PPP1R14C: variants seen among roughly 807,000 people sequenced by gnomAD.
The protein encoded by PPP1R14C is protein phosphatase 1 regulatory inhibitor subunit 14C, also known as protein phosphatase 1 regulatory subunit 14C.
A neutral mutation model predicts 20.4 loss-of-function variants in PPP1R14C; 16 were observed. The ratio of observed to expected loss-of-function variants is 0.78; its 90% CI spans 0.53 to 1.19. The LOEUF is 1.19. Ranked by LOEUF, PPP1R14C falls within the 50% of genes most tolerant of loss-of-function variation. The pLI is 0.00. For synonymous variants in PPP1R14C, 91 were observed against 91.0 expected, an observed-to-expected ratio of 1.00 and a Z score of 0.00; for missense variants, 211 against 220.1, an observed-to-expected ratio of 0.96 and a Z score of 0.26.
chr6:150,160,320 A>C (rs1777351805), intron 1 of PPP1R14C, among the ~76,000 whole-genome samples: 2 of 132,946 alleles, frequency 1.5e-5, no homozygotes, highest in Admixed American at 8.8e-5. Flanking sequence ...GCTGGAGTGC[A>C]GTGGCGCGAT....
At chr6:150,202,203 G>A (rs1283987541) in intron 1 of PPP1R14C, among the ~76,000 whole-genome samples, 1 of 152,138 alleles carries the variant, frequency 6.6e-6, no homozygotes, top group Non-Finnish European at 1.5e-5. Flanking sequence ...TCCTCATGCA[G>A]AACATCCCTG....
chr6:150,248,938 T>C lies in PPP1R14C; in HGVS notation c.*118T>C, dbSNP rs1174021114. On this transcript the variant is annotated 3_prime_UTR_variant, in exon 4 of 4. Transcript: ENST00000361131. The stretch of plus-strand genomic sequence containing the variant: ...TGAACAACGTTTTTGTTTTTTTTTT[T>C]TTCTTTTTTGGTGTGAAGGTGGGGG... The C allele has an allele frequency of 8.5e-6, 5 of 588,554 alleles. No individual in the cohort carries two copies. In the East Asian group the frequency reaches 1.2e-4, roughly 14 times the overall value. The allele number at this position is 588,554 out of a possible 1,614,324, so 36.5% of individuals were successfully genotyped here. A position where few individuals can be genotyped will look rare whatever the true frequency, so the allele number is the denominator to read the frequency against.
intron 1 of PPP1R14C, among the ~76,000 whole-genome samples, chr6:150,210,454 G>A (rs529436973): frequency 5.3e-5 from 8 of 151,976 alleles, no homozygotes; most frequent in African/African-American, 1.7e-4. Flanking sequence ...CTGTTGCTTC[G>A]CACCTGATAC....
intron 3 of PPP1R14C, 104 bp downstream of exon 3, chr6:150,216,960 A>G: frequency 1.2e-6 from 1 of 833,170 alleles, no homozygotes; most frequent in African/African-American, 1.7e-5. Flanking sequence ...GAGTGTGTGT[A>G]TACCAATTAG....
In PPP1R14C at chr6:150,173,809, A is replaced by G. The variant is rs116838089; in HGVS notation, c.306+30311A>G. 6.8e-4 allele frequency among the ~76,000 whole-genome samples: 103 copies of G among 152,200 alleles called. 1 individual carries two copies. The highest frequency in any genetic ancestry group is 2.3e-3 in the African/African-American group (97 of 41,530). On this transcript the variant is annotated intron_variant, in intron 1 of 3. Transcript: ENST00000361131. The stretch of plus-strand genomic sequence containing the variant: ...CCAGGACATGGGAGCCCAAGACTGC[A>G]GACCTGAGGCTCCTAAGCACCCCAA...
At position 150,143,448 on chromosome 6, in the gene PPP1R14C, G is replaced by C. The variant is rs1224408421; in HGVS notation, c.256G>C (p.Val86Leu). 1 of 1,610,998 alleles carries C rather than the reference G, an allele frequency of 6.2e-7. No homozygotes were observed. The highest frequency in any genetic ancestry group is 1.3e-5 in the African/African-American group (1 of 74,664). The stretch of plus-strand genomic sequence containing the variant: ...TCGTAAGGAGCTTCGGAAGCGGCTG[G>C]TGCTGGAGGAATGGATCGTGGAGCA... ...YDRKELRKRL[V>L]LEEWIVEQLG... Residue 86 changes from valine (V) to leucine (L), a missense_variant, in exon 1 of 4, where the codon GTG (valine) becomes CTG (leucine). Coordinates refer to ENST00000361131, the MANE Select transcript of PPP1R14C (RefSeq NM_030949.3). This position sits in a 1 kb window ranked among gnomAD's most constrained non-coding sequence, Gnocchi z 5.6.
intron 1 of PPP1R14C, among the ~76,000 whole-genome samples, chr6:150,172,751 G>T (rs1319160368): frequency 6.6e-6 from 1 of 152,116 alleles, no homozygotes; most frequent in Non-Finnish European, 1.5e-5. Context: ...TGCTGTAACT[G>T]ATGTGGGGAG....
chr6:150,206,071 C>T (rs1306810533), intron 1 of PPP1R14C, among the ~76,000 whole-genome samples: 1 of 152,088 alleles, frequency 6.6e-6, no homozygotes, highest in African/African-American at 2.4e-5. Flanking sequence ...CCACCATGGC[C>T]CCAACTCTGA....
At chr6:150,179,571 C>G (rs115146823) in intron 1 of PPP1R14C, among the ~76,000 whole-genome samples, 3,903 of 152,016 alleles carry the variant, frequency 0.026, 168 homozygotes, top group African/African-American at 0.089. Context: ...ACTCTGCAGA[C>G]CTGCCCTTCA....
At chr6:150,168,233 G>A (rs534704059) in intron 1 of PPP1R14C, among the ~76,000 whole-genome samples, 10 of 146,690 alleles carry the variant, frequency 6.8e-5, no homozygotes, top group African/African-American at 2.0e-4. Context: ...GGCTCTCATG[G>A]GAGAAAAAAA....
At chr6:150,151,952 C>G (rs1436789302) in intron 1 of PPP1R14C, among the ~76,000 whole-genome samples, 1 of 151,928 alleles carries the variant, frequency 6.6e-6, no homozygotes, top group Non-Finnish European at 1.5e-5. Context: ...AACCCCGTCT[C>G]TACTAAAAAT....
Position 150,240,903 on chromosome 6 carries a change from T to A in PPP1R14C, c.424-7843T>A, listed in dbSNP as rs1778424538. On this transcript the variant is annotated intron_variant, in intron 3 of 3. Coordinates refer to ENST00000361131, the MANE Select transcript of PPP1R14C (RefSeq NM_030949.3). Reference sequence around the variant, plus strand: ...CCTTGGCACAGAACTCCTAAAACTCTTACAATTTCCTGAGCAATCAGTTGC... The same window carrying A: ...CCTTGGCACAGAACTCCTAAAACTCATACAATTTCCTGAGCAATCAGTTGC... Among the ~76,000 whole-genome samples the A allele has an allele frequency of 2.6e-5, 4 of 152,246 alleles. No individual in the cohort carries two copies. In the South Asian group the frequency reaches 8.3e-4, roughly 31 times the overall value.
intron 1 of PPP1R14C, among the ~76,000 whole-genome samples, chr6:150,203,755 T>C (rs566434444): frequency 6.6e-6 from 1 of 152,250 alleles, no homozygotes; most frequent in Admixed American, 6.5e-5. Context: ...GTAATTTGAG[T>C]GTTTCCAGTC....
intron 1 of PPP1R14C, among the ~76,000 whole-genome samples, chr6:150,166,679 C>T (rs1019686418): frequency 6.6e-6 from 1 of 152,148 alleles, no homozygotes; most frequent in African/African-American, 2.4e-5. Context: ...TTTGAGGCCA[C>T]TGGGAGAGGC....
chr6:150,211,370 G>A (rs1778022987), intron 1 of PPP1R14C, among the ~76,000 whole-genome samples: 1 of 152,168 alleles, frequency 6.6e-6, no homozygotes, highest in South Asian at 2.1e-4. Context: ...CACTAATGTG[G>A]GGCAGGGAGT....
intron 3 of PPP1R14C, among the ~76,000 whole-genome samples, chr6:150,243,430 G>A (rs1086204): frequency 0.048 from 7,237 of 152,038 alleles, 255 homozygotes; most frequent in Middle Eastern, 0.075. Flanking sequence ...GAACCACCTC[G>A]GCCTCCCAAA....
rs945465238 is a variant in PPP1R14C, at chr6:150,250,343, T to C, written c.*1523T>C. The C allele has an allele frequency of 6.5e-6, 1 of 152,690 alleles. No homozygotes were observed. The highest frequency in any genetic ancestry group is 1.5e-5 in the Non-Finnish European group (1 of 68,048). The allele number at this position is 152,690 out of a possible 1,614,324, so 9.5% of individuals were successfully genotyped here. On this transcript the variant is annotated 3_prime_UTR_variant, in exon 4 of 4. Transcript: ENST00000361131. Reference sequence around the variant, plus strand: ...TTTACAAGATATTTACTCAAATAAATGGAGCTGCTTACAAGCCTGTTGACA... The same window carrying C: ...TTTACAAGATATTTACTCAAATAAACGGAGCTGCTTACAAGCCTGTTGACA...
At chr6:150,184,161 G>A (rs1246291830) in intron 1 of PPP1R14C, among the ~76,000 whole-genome samples, 1 of 152,202 alleles carries the variant, frequency 6.6e-6, no homozygotes, top group African/African-American at 2.4e-5. Context: ...ACATCCAAGT[G>A]CGCGTGGAGA....
chr6:150,222,944 T>A (rs1256366805), intron 3 of PPP1R14C, among the ~76,000 whole-genome samples: 1 of 151,892 alleles, frequency 6.6e-6, no homozygotes, highest in African/African-American at 2.4e-5. Context: ...AATTTTTGTG[T>A]TTTTACTAGA....
Sources: allele counts gnomAD v4.1 joint callset (sites outside exome capture counted in the v4.1 genomes callset), GRCh38; gene constraint gnomAD v4.1.1; non-coding constraint Gnocchi (gnomAD v3.1); transcripts MANE v1.5; gene names NCBI Gene and HGNC (gene_info 2026-07-23, HGNC 2026-07-21).